The following HEMK2 variants were observed in gnomAD, a reference collection of about 807,000 sequenced individuals.
HEMK2 encodes HemK methyltransferase 2, ETF1 glutamine and histone H4 lysine, also known as methyltransferase HEMK2.
the HEMK2 span, among the ~76,000 whole-genome samples, chr21:28,859,411 A>G: frequency 6.6e-6 from 1 of 152,180 alleles, no homozygotes; most frequent in Non-Finnish European, 1.5e-5. Flanking sequence ...CTGGTCATCC[A>G]GTTTACCAAT....
the HEMK2 span, chr21:28,885,362 CCATGCGCGTGCGCAGGG>C: frequency 6.5e-7 from 1 of 1,535,622 alleles, no homozygotes; most frequent in Non-Finnish European, 8.8e-7. Context: ...TCGCTGCGTT[CCATGCGCGTGCGCAGGG>C]CGTGCGCATG....
the HEMK2 span, among the ~76,000 whole-genome samples, chr21:28,613,922 GA>G: frequency 8.9e-6 from 1 of 112,538 alleles, no homozygotes; most frequent in Non-Finnish European, 1.8e-5. Context: ...TTTCTTCAGG[GA>G]AAAAGATACC....
chr21:28,660,037 TA>T, the HEMK2 span, among the ~76,000 whole-genome samples: 5 of 152,028 alleles, frequency 3.3e-5, no homozygotes, highest in East Asian at 9.6e-4. Flanking sequence ...CAACTTTTAA[TA>T]GACTTATTCC....
chr21:28,726,083 C>T, the HEMK2 span, among the ~76,000 whole-genome samples: 3 of 151,930 alleles, frequency 2.0e-5, no homozygotes, highest in Non-Finnish European at 4.4e-5. Context: ...GAACTTTATT[C>T]TAATACAATA....
At chr21:28,877,261 GA>G in the HEMK2 span, among the ~76,000 whole-genome samples, 9 of 65,066 alleles carry the variant, frequency 1.4e-4, no homozygotes. Flanking sequence ...GAAGAGAAGG[GA>G]AGGAAGGAAG....
the HEMK2 span, among the ~76,000 whole-genome samples, chr21:28,877,570 AAAG>A: frequency 9.1e-6 from 1 of 110,092 alleles, no homozygotes; most frequent in African/African-American, 2.6e-5. Flanking sequence ...AAAGGAAAGG[AAAG>A]AAGAAAGGAA....
chr21:28,759,483 C>A, the HEMK2 span, among the ~76,000 whole-genome samples: 2 of 152,142 alleles, frequency 1.3e-5, no homozygotes, highest in Non-Finnish European at 2.9e-5. Flanking sequence ...TTTGGTATGA[C>A]TTTGGACTGT....
the HEMK2 span, among the ~76,000 whole-genome samples, chr21:28,720,485 C>G: frequency 6.6e-6 from 1 of 152,108 alleles, no homozygotes; most frequent in African/African-American, 2.4e-5. Flanking sequence ...GTTATTCTAG[C>G]ACTTTGGGAG....
the HEMK2 span, chr21:28,577,448 G>A: frequency 6.6e-6 from 1 of 152,142 alleles, no homozygotes; most frequent in Non-Finnish European, 1.5e-5. Flanking sequence ...ATTACCTTCA[G>A]GAAGATGTAT....
At chr21:28,868,659 G>A in the HEMK2 span, among the ~76,000 whole-genome samples, 2 of 152,138 alleles carry the variant, frequency 1.3e-5, no homozygotes, top group African/African-American at 4.8e-5. Flanking sequence ...ACTCCAGCCT[G>A]GGTGACAGAG....
the HEMK2 span, among the ~76,000 whole-genome samples, chr21:28,626,155 G>A: frequency 6.6e-6 from 1 of 152,028 alleles, no homozygotes; most frequent in Non-Finnish European, 1.5e-5. Context: ...ATTAAATGGT[G>A]GACTTTTTAT....
chr21:28,644,784 T>C, the HEMK2 span, among the ~76,000 whole-genome samples: 2 of 152,204 alleles, frequency 1.3e-5, no homozygotes, highest in African/African-American at 4.8e-5. Flanking sequence ...GTTCTGGTGG[T>C]TTTGATGACC....
At chr21:28,588,774 G>C in the HEMK2 span, among the ~76,000 whole-genome samples, 5,977 of 152,050 alleles carry the variant, frequency 0.039, 401 homozygotes, top group African/African-American at 0.14. Flanking sequence ...ACAAGGTCAG[G>C]AGATCGAGAC....
At chr21:28,682,233 T>G in the HEMK2 span, among the ~76,000 whole-genome samples, 1 of 151,946 alleles carries the variant, frequency 6.6e-6, no homozygotes, top group African/African-American at 2.4e-5. Flanking sequence ...CATCAAAAAG[T>G]GGGTGAAGGA....
At chr21:28,815,314 G>A in the HEMK2 span, among the ~76,000 whole-genome samples, 13 of 151,710 alleles carry the variant, frequency 8.6e-5, no homozygotes, top group Non-Finnish European at 1.0e-4. Flanking sequence ...ACACTAACAT[G>A]GCACATGTAT....
chr21:28,719,424 T>G, the HEMK2 span, among the ~76,000 whole-genome samples: 1 of 152,166 alleles, frequency 6.6e-6, no homozygotes, highest in Non-Finnish European at 1.5e-5. Flanking sequence ...CTGATGGTTT[T>G]ATAAATGGGA....
At chr21:28,649,383 C>T in the HEMK2 span, among the ~76,000 whole-genome samples, 1 of 152,204 alleles carries the variant, frequency 6.6e-6, no homozygotes, top group African/African-American at 2.4e-5. Context: ...AGAATCAAAA[C>T]ATATCACCTC....
At chr21:28,663,527 C>G in the HEMK2 span, among the ~76,000 whole-genome samples, 1 of 152,242 alleles carries the variant, frequency 6.6e-6, no homozygotes, top group Non-Finnish European at 1.5e-5. Context: ...AAAAGGGGCT[C>G]TGCAGCAATG....
chr21:28,595,459 T>C, the HEMK2 span, among the ~76,000 whole-genome samples: 2 of 152,220 alleles, frequency 1.3e-5, no homozygotes, highest in African/African-American at 2.4e-5. Flanking sequence ...CTGGCTTATT[T>C]AGCTTAACAT....
Sources: gnomAD v4.1 joint callset for allele counts (sites outside exome capture counted in the v4.1 genomes callset) on GRCh38, gnomAD v4.1.1 for gene constraint, MANE v1.5 for transcripts, NCBI Gene and HGNC (gene_info 2026-07-23, HGNC 2026-07-21) for gene names.